Variants in FGF12 observed in about 807,000 individuals in gnomAD.
The protein encoded by FGF12 is fibroblast growth factor 12.
FGF12 carries 14 observed loss-of-function variants against 23.6 expected under a neutral mutation model. That is an observed-to-expected ratio of 0.59 (90% CI 0.39 to 0.93). The LOEUF (loss-of-function observed/expected upper bound fraction) is 0.93. Among genes scored for constraint, FGF12 ranks in the 40% least tolerant of loss-of-function variants. The pLI is 0.00. For synonymous variants in FGF12, 62 were observed against 77.3 expected, an observed-to-expected ratio of 0.80 and a Z score of 1.04; for missense variants, 175 against 217.8, an observed-to-expected ratio of 0.80 and a Z score of 1.24.
chr3:192,178,434 G>A (rs1318195003), intron 4 of FGF12, among the ~76,000 whole-genome samples: 2 of 152,074 alleles, frequency 1.3e-5, no homozygotes, highest in African/African-American at 2.4e-5. Context: ...GAATTTTCAA[G>A]CATATGCCAG....
intron 2 of FGF12, among the ~76,000 whole-genome samples, chr3:192,422,912 T>C (rs1021005865): frequency 6.6e-6 from 1 of 152,136 alleles, no homozygotes; most frequent in East Asian, 1.9e-4. Context: ...TTTTGTTCTA[T>C]ATGCAAAGAA....
intron 2 of FGF12, among the ~76,000 whole-genome samples, chr3:192,600,463 G>C (rs528990125): frequency 6.6e-6 from 1 of 152,148 alleles, no homozygotes; most frequent in African/African-American, 2.4e-5. Flanking sequence ...CACTGAATCT[G>C]TAGATTGCTT....
intron 2 of FGF12, among the ~76,000 whole-genome samples, chr3:192,566,921 G>A (rs539282951): frequency 2.4e-4 from 37 of 152,280 alleles, no homozygotes; most frequent in Admixed American, 1.2e-3. Flanking sequence ...GCGGCCTAGA[G>A]GGTGCTATGC....
At chr3:192,327,093 T>A (rs1377704553) in intron 4 of FGF12, among the ~76,000 whole-genome samples, 1 of 152,166 alleles carries the variant, frequency 6.6e-6, no homozygotes, top group Non-Finnish European at 1.5e-5. Context: ...GTCACCAGAG[T>A]GGGCTTATTT....
chr3:192,435,149 T>C (rs910745657), intron 2 of FGF12, among the ~76,000 whole-genome samples: 4 of 152,220 alleles, frequency 2.6e-5, no homozygotes, highest in African/African-American at 9.6e-5. Context: ...GCATAAAGTC[T>C]CTATTTTCTA....
At chr3:192,401,735 G>A (rs996122193) in intron 2 of FGF12, among the ~76,000 whole-genome samples, 11 of 152,186 alleles carry the variant, frequency 7.2e-5, no homozygotes, top group African/African-American at 2.4e-4. Flanking sequence ...AAGGCCCTGC[G>A]GTTCTTGCCA....
chr3:192,168,084 G>A (rs914531942), intron 5 of FGF12, among the ~76,000 whole-genome samples: 4 of 151,540 alleles, frequency 2.6e-5, no homozygotes, highest in Admixed American at 2.6e-4. Context: ...TTTTAAGTGG[G>A]GTCATGAGGG....
At chr3:192,567,922 T>A (rs1712418620) in intron 2 of FGF12, among the ~76,000 whole-genome samples, 1 of 151,798 alleles carries the variant, frequency 6.6e-6, no homozygotes, top group Admixed American at 6.6e-5. Flanking sequence ...AACTTCCCCC[T>A]CCTAGGTGCA....
At chr3:192,172,477 G>A (rs1017566924) in intron 4 of FGF12, among the ~76,000 whole-genome samples, 14 of 150,536 alleles carry the variant, frequency 9.3e-5, no homozygotes, top group South Asian at 8.5e-4. Context: ...AATATGAATA[G>A]CAATAAATTA....
At chr3:192,232,513 GTATTTATT>G (rs112832511) in intron 4 of FGF12, among the ~76,000 whole-genome samples, 64 of 147,472 alleles carry the variant, frequency 4.3e-4, no homozygotes, top group African/African-American at 7.8e-4. Flanking sequence ...CCATGCACGT[GTATTTATT>G]TATTTATTTA....
At position 192,557,061 on chromosome 3, in the gene FGF12, G is replaced by A. The variant is rs2651954; in HGVS notation, c.13+170120C>T. Among the ~76,000 whole-genome samples the A allele has an allele frequency of 1.9e-4, 29 of 151,806 alleles. No homozygotes were observed. In the East Asian group the frequency reaches 4.1e-3, roughly 21 times the overall value. On this transcript the variant is annotated intron_variant, in intron 2 of 5. Transcript: ENST00000445105. ...TGTATGGGATGCATCAAAAGCAGCC[G>A]TAAGAGGGAGTTTTATGTCAGTAAA...
In FGF12 at chr3:192,399,021, A is replaced by C. The variant is rs1281587044; in HGVS notation, c.14-38483T>G. On this transcript the variant is annotated intron_variant, in intron 2 of 5. Transcript: ENST00000445105. ...GTGCTGACCAGGTCCTGTGCTTAGG[A>C]ACTGAAGTTTTCATCAAGAAGACGA... is the stretch of plus-strand genomic sequence containing the variant. Among the ~76,000 whole-genome samples the C allele has an allele frequency of 2.0e-5, 3 of 152,158 alleles. No homozygotes were observed. In the South Asian group the frequency reaches 6.2e-4, roughly 32 times the overall value.
At position 192,170,661 on chromosome 3, in the gene FGF12, AG is replaced by A. The variant is rs201478014; in HGVS notation, c.229-6del. The A allele has an allele frequency of 3.4e-4, 520 of 1,511,762 alleles. 1 individual carries two copies. The highest frequency in any genetic ancestry group is 6.8e-4 in the Admixed American group (32 of 46,734). 93.6% of individuals were successfully genotyped at this position (1,511,762 alleles called of 1,614,324 possible). On this transcript the variant is annotated splice_region_variant and splice_polypyrimidine_tract_variant and intron_variant, in intron 4 of 5. Coordinates refer to ENST00000445105, the MANE Select transcript of FGF12 (RefSeq NM_004113.6). ...GCATTCTGGAGTGAAAACATCCTGT[AG>A]GAAAAAAAAAAAAAGACACAAAAAA...
At chr3:192,726,735 A>C (rs867650016) in intron 2 of FGF12, 1 of 195,250 alleles carries the variant, frequency 5.1e-6, no homozygotes, top group South Asian at 1.1e-4. Flanking sequence ...TACCATCTTC[A>C]TGAGGTGGGG....
intron 3 of FGF12, among the ~76,000 whole-genome samples, chr3:192,359,216 T>C (rs1038163618): frequency 9.2e-5 from 14 of 152,222 alleles, no homozygotes; most frequent in African/African-American, 3.1e-4. Context: ...AATAAGATCT[T>C]TTATTTATTG....
intron 2 of FGF12, among the ~76,000 whole-genome samples, chr3:192,415,587 A>G (rs73064258): frequency 1.5e-3 from 221 of 152,098 alleles, no homozygotes; most frequent in African/African-American, 5.2e-3. Context: ...GTTTTGTTTT[A>G]TCAACACTCC....
chr3:192,498,366 T>C (rs886746902), intron 2 of FGF12, among the ~76,000 whole-genome samples: 3 of 152,272 alleles, frequency 2.0e-5, no homozygotes, highest in South Asian at 4.1e-4. Context: ...AGTGAGCTTT[T>C]ACTATTTCCT....
chr3:192,532,906 T>G (rs764122193), intron 2 of FGF12, among the ~76,000 whole-genome samples: 1 of 152,166 alleles, frequency 6.6e-6, no homozygotes, highest in Non-Finnish European at 1.5e-5. Flanking sequence ...TTATGTGGCA[T>G]GACACTTAGC....
In FGF12 at chr3:192,439,967, C is replaced by T. The variant is rs191727226; in HGVS notation, c.14-79429G>A. 2.4e-4 allele frequency among the ~76,000 whole-genome samples: 34 copies of T among 140,068 alleles called. No individual in the cohort carries two copies. In the East Asian group the frequency reaches 6.8e-3, roughly 28 times the overall value. 91.9% of individuals were successfully genotyped at this position (140,068 alleles called of 152,430 possible). ...TTCCAGCCTAGGTGACAGAGCAAGA[C>T]TCCATATGGAAAAAAAAAAAAAAAA... On this transcript the variant is annotated intron_variant, in intron 2 of 5. Coordinates refer to ENST00000445105, the MANE Select transcript of FGF12 (RefSeq NM_004113.6).
Sources: allele counts gnomAD v4.1 joint callset (sites outside exome capture counted in the v4.1 genomes callset), GRCh38; gene constraint gnomAD v4.1.1; transcripts MANE v1.5; gene names NCBI Gene and HGNC (gene_info 2026-07-23, HGNC 2026-07-21).